Variants in CRB1 observed in about 807,000 individuals in gnomAD.
CRB1 encodes the protein protein crumbs homolog 1.
Under a neutral mutation model 120.0 loss-of-function variants are expected in CRB1, and 83 were observed. The ratio of observed to expected loss-of-function variants is 0.69; its 90% CI spans 0.58 to 0.83. The LOEUF is 0.83. Among genes scored for constraint, CRB1 ranks in the 40% least tolerant of loss-of-function variants. The pLI is 0.00. For synonymous variants in CRB1, 625 were observed against 612.5 expected (o/e 1.02, Z -0.30); for missense variants, 1,699 against 1,687.6 (o/e 1.01, Z -0.12).
intron 1 of CRB1, among the ~76,000 whole-genome samples, chr1:197,295,248 T>C (rs1174927360): frequency 1.3e-5 from 2 of 152,052 alleles, no homozygotes; most frequent in Non-Finnish European, 2.9e-5. Flanking sequence ...AGCTTGTAGC[T>C]GGCCCAAGGC....
intron 5 of CRB1, chr1:197,363,967 C>A: frequency 7.4e-7 from 1 of 1,349,916 alleles, no homozygotes; most frequent in South Asian, 1.2e-5. Flanking sequence ...GCCATGCGGC[C>A]GGCGACAGAG....
intron 1 of CRB1, among the ~76,000 whole-genome samples, chr1:197,284,658 A>G (rs1655720737): frequency 6.6e-6 from 1 of 151,914 alleles, no homozygotes; most frequent in African/African-American, 2.4e-5. Flanking sequence ...ATTTCCAGAG[A>G]GGAGGCCAAA....
chr1:197,408,864 G>A (rs1337696806), intron 5 of CRB1, among the ~76,000 whole-genome samples: 1 of 152,174 alleles, frequency 6.6e-6, no homozygotes, highest in Non-Finnish European at 1.5e-5. Context: ...CATGTGCAGT[G>A]CTGTACTTTC....
At chr1:197,434,633 A>G (rs1439792766) in intron 8 of CRB1, 73 bp from the exon 9 acceptor site, 2 of 1,252,050 alleles carry the variant, frequency 1.6e-6, no homozygotes, top group East Asian at 2.4e-5. Context: ...AATGATCATT[A>G]CTATTAATAA....
chr1:197,238,778 A>G, the CRB1 span, among the ~76,000 whole-genome samples: 19 of 152,132 alleles, frequency 1.2e-4, no homozygotes, highest in Admixed American at 3.9e-4. Flanking sequence ...CAGGAGGCAG[A>G]GGTTGCAGTG....
chr1:197,237,464 T>C, the CRB1 span, among the ~76,000 whole-genome samples: 2 of 152,220 alleles, frequency 1.3e-5, no homozygotes, highest in South Asian at 4.1e-4. Context: ...ACTAATCCCA[T>C]TCACAAGGGC....
intron 4 of CRB1, among the ~76,000 whole-genome samples, chr1:197,348,124 C>T (rs1473707289): frequency 6.6e-6 from 1 of 152,184 alleles, no homozygotes; most frequent in Non-Finnish European, 1.5e-5. Context: ...CATATACAAC[C>T]GTGGTCCTGT....
intron 1 of CRB1, among the ~76,000 whole-genome samples, chr1:197,277,511 A>T (rs1277770909): frequency 6.6e-6 from 1 of 152,006 alleles, no homozygotes; most frequent in African/African-American, 2.4e-5. Context: ...GTAGTTTTTA[A>T]TACAAGGAGA....
chr1:197,213,904 AT>A, the CRB1 span, among the ~76,000 whole-genome samples: 2 of 152,150 alleles, frequency 1.3e-5, no homozygotes, highest in African/African-American at 4.8e-5. Flanking sequence ...AGTGAAACTT[AT>A]AAACACCTAC....
chr1:197,316,605 A>C lies in CRB1; in HGVS notation c.71-11817A>C, dbSNP rs563983618. ...TTAAGAGACGAAGTCTGAGCCAAGA[A>C]AATAAAAAAAGTAATTATTTTTGGT... On this transcript the variant is annotated intron_variant, in intron 1 of 11. Coordinates refer to ENST00000367400, the MANE Select transcript of CRB1 (RefSeq NM_201253.3). 3.2e-4 allele frequency among the ~76,000 whole-genome samples: 49 copies of C among 152,358 alleles called. No individual in the cohort carries two copies. The South Asian group carries it at 9.7e-3, about 30-fold the overall frequency.
chr1:197,423,321 T>G (rs182346645), intron 6 of CRB1, among the ~76,000 whole-genome samples: 14 of 152,182 alleles, frequency 9.2e-5, no homozygotes, highest in African/African-American at 2.6e-4. Flanking sequence ...ACCATGAACT[T>G]TTCAAACCAA....
upstream of CRB1, chr1:197,268,230 C>A: frequency 3.3e-6 from 2 of 601,576 alleles, no homozygotes; most frequent in Non-Finnish European, 6.0e-6. Context: ...TGCTAAGAAG[C>A]ACAAACTGCA....
At chr1:197,229,214 G>A in the CRB1 span, among the ~76,000 whole-genome samples, 17 of 152,192 alleles carry the variant, frequency 1.1e-4, no homozygotes, top group Non-Finnish European at 2.5e-4. Context: ...TTCTGTCGTA[G>A]TAGCTCAAAC....
intron 1 of CRB1, among the ~76,000 whole-genome samples, chr1:197,303,132 TTA>T (rs887620854): frequency 6.6e-6 from 1 of 151,550 alleles, no homozygotes; most frequent in Non-Finnish European, 1.5e-5. Flanking sequence ...TATTTATTTA[TTA>T]TTTTATTATT....
intron 11 of CRB1, among the ~76,000 whole-genome samples, chr1:197,448,685 A>G (rs1167061710): frequency 6.6e-6 from 1 of 152,156 alleles, no homozygotes; most frequent in Non-Finnish European, 1.5e-5. Flanking sequence ...CAGATCTTGT[A>G]TAGACTCTTC....
chr1:197,259,658 A>G, the CRB1 span, among the ~76,000 whole-genome samples: 12 of 152,216 alleles, frequency 7.9e-5, no homozygotes, highest in Non-Finnish European at 1.6e-4. Flanking sequence ...ACAAACCTGC[A>G]CTTTGTGCAC....
At chr1:197,374,490 C>G (rs1001594851) in intron 5 of CRB1, among the ~76,000 whole-genome samples, 1 of 152,122 alleles carries the variant, frequency 6.6e-6, no homozygotes, top group East Asian at 1.9e-4. Context: ...AGGGTAGTCA[C>G]CAAGCAAGAA....
intron 10 of CRB1, chr1:197,440,375 A>G (rs1437933879): frequency 6.6e-6 from 1 of 152,236 alleles, no homozygotes; most frequent in African/African-American, 2.4e-5. Flanking sequence ...GAAAGAAAAG[A>G]AAGCTTAGAG....
chr1:197,386,165 T>A (rs774232977), intron 5 of CRB1, among the ~76,000 whole-genome samples: 38 of 152,024 alleles, frequency 2.5e-4, no homozygotes, highest in Non-Finnish European at 5.0e-4. Context: ...TCACCAATGT[T>A]CAAATACCAG....
Sources: gnomAD v4.1 joint callset for allele counts (sites outside exome capture counted in the v4.1 genomes callset) on GRCh38, gnomAD v4.1.1 for gene constraint, MANE v1.5 for transcripts, NCBI Gene and HGNC (gene_info 2026-07-23, HGNC 2026-07-21) for gene names.